Variants in TRAF3 observed in about 807,000 individuals in gnomAD.
The protein encoded by TRAF3 is TNF receptor associated factor 3, also known as TNF receptor-associated factor 3.
In TRAF3, 13 loss-of-function variants were observed where a neutral mutation model predicts 62.3. That is an observed-to-expected ratio of 0.21 (90% CI 0.14 to 0.33). TRAF3 has a LOEUF of 0.33. Ranked by LOEUF, TRAF3 falls within the 10% of genes least tolerant of loss-of-function variation. TRAF3 has a pLI of 1.00. For missense variants in TRAF3, 440 were observed against 741.8 expected (o/e 0.59, Z 4.73); for synonymous variants, 269 against 283.4 (o/e 0.95, Z 0.51).
chr14:102,874,896 A>G lies in TRAF3; in HGVS notation c.298-728A>G, dbSNP rs562400269. On this transcript the variant is annotated intron_variant, in intron 4 of 11. Transcript: ENST00000392745. ...GGTCTCAAACTCCTGGACTCAAGCA[A>G]TCCTCCTGCCTCGGTTTCCCAAAGT... Among the ~76,000 whole-genome samples the G allele has an allele frequency of 1.3e-3, 204 of 152,232 alleles. 1 individual carries two copies. Among genetic ancestry groups the G allele is most frequent in the Non-Finnish European group, 2.3e-3 (157 of 68,014 alleles).
chr14:102,780,194 C>T (rs1466762813), intron 1 of TRAF3, among the ~76,000 whole-genome samples: 1 of 152,116 alleles, frequency 6.6e-6, no homozygotes, highest in East Asian at 1.9e-4. Context: ...AGTGATGAAG[C>T]CAGAATGAGG....
At chr14:102,843,810 T>G (rs563513354) in intron 2 of TRAF3, among the ~76,000 whole-genome samples, 1 of 149,806 alleles carries the variant, frequency 6.7e-6, no homozygotes, top group Admixed American at 6.7e-5. Context: ...CCTGTGTTTC[T>G]AAAAGGAAAA....
intron 9 of TRAF3, among the ~76,000 whole-genome samples, chr14:102,892,607 A>G (rs1014436250): frequency 6.6e-6 from 1 of 152,252 alleles, no homozygotes; most frequent in Non-Finnish European, 1.5e-5. Flanking sequence ...GAGAACTTGT[A>G]GTAGGAGGAT....
chr14:102,839,210 CTTTTTTTTTTTTT>C lies in TRAF3; in HGVS notation c.-18+8754_-18+8766del, dbSNP rs56998347. Among the ~76,000 whole-genome samples the C allele has an allele frequency of 1.1e-3, 100 of 89,836 alleles. 2 individuals carry two copies. The highest frequency in any genetic ancestry group is 7.5e-3 in the South Asian group (17 of 2,264). 58.9% of individuals were successfully genotyped at this position (89,836 alleles called of 152,430 possible). A position where few individuals can be genotyped will look rare whatever the true frequency, so the allele number is the denominator to read the frequency against. ...GAGAGATGCTTATTGGTTGATTTGC[CTTTTTTTTTTTTT>C]TTTTTTTTTTTTTTTGAAACAGTCT... On this transcript the variant is annotated intron_variant, in intron 2 of 11. Transcript: ENST00000392745.
intron 2 of TRAF3, among the ~76,000 whole-genome samples, chr14:102,864,147 CTTTTTTTT>C (rs1022782387): frequency 7.5e-6 from 1 of 133,952 alleles, no homozygotes; most frequent in Non-Finnish European, 1.6e-5. Flanking sequence ...TTGCCTTTTT[CTTTTTTTT>C]TTTTTTTTTT....
intron 1 of TRAF3, among the ~76,000 whole-genome samples, chr14:102,816,612 A>T (rs751107530): frequency 1.1e-4 from 17 of 151,996 alleles, no homozygotes; most frequent in Non-Finnish European, 2.4e-4. Context: ...TATTTTTGTG[A>T]TTCTCGTATT....
intron 1 of TRAF3, among the ~76,000 whole-genome samples, chr14:102,819,646 A>G: frequency 6.6e-6 from 1 of 152,184 alleles, no homozygotes; most frequent in East Asian, 1.9e-4. Flanking sequence ...TCTAACAGTC[A>G]TGGGACCACA....
intron 2 of TRAF3, among the ~76,000 whole-genome samples, chr14:102,831,075 G>C (rs1039852408): frequency 4.6e-5 from 7 of 152,144 alleles, no homozygotes; most frequent in African/African-American, 1.7e-4. Context: ...GTGACATTGT[G>C]TTTTCCTAAG....
intron 1 of TRAF3, among the ~76,000 whole-genome samples, chr14:102,787,811 C>CT (rs796964912): frequency 1.5e-3 from 210 of 138,800 alleles, no homozygotes; most frequent in Admixed American, 1.6e-3. Flanking sequence ...ACTTGCCTTG[C>CT]TTTTTTTTTT....
chr14:102,901,628 A>AGG (rs1199482440), intron 10 of TRAF3, among the ~76,000 whole-genome samples: 1 of 152,196 alleles, frequency 6.6e-6, no homozygotes, highest in East Asian at 1.9e-4. Flanking sequence ...GTCAGTTTAA[A>AGG]GGGACAGTGA....
chr14:102,844,891 ATGT>A (rs1220121781), intron 2 of TRAF3, among the ~76,000 whole-genome samples: 6 of 151,452 alleles, frequency 4.0e-5, no homozygotes, highest in East Asian at 1.9e-4. Flanking sequence ...AAAAAAAAAA[ATGT>A]TGTTTTTGTT....
intron 2 of TRAF3, among the ~76,000 whole-genome samples, chr14:102,857,468 G>A (rs534268195): frequency 3.9e-5 from 6 of 152,184 alleles, no homozygotes; most frequent in Admixed American, 6.5e-5. Context: ...TTTTAAAATT[G>A]GCTTTGATGA....
intron 2 of TRAF3, among the ~76,000 whole-genome samples, chr14:102,862,011 T>G (rs71417833): frequency 0.014 from 2,119 of 152,354 alleles, 22 homozygotes; most frequent in Non-Finnish European, 0.019. Context: ...TTTCACTTTA[T>G]TGATAATCTC....
chr14:102,899,318 G>C (rs1017216352), intron 10 of TRAF3, among the ~76,000 whole-genome samples: 2 of 152,160 alleles, frequency 1.3e-5, no homozygotes. Context: ...GGAGCTGCAC[G>C]GGGCCAGGCC....
Position 102,852,885 on chromosome 14 carries a change from A to G in TRAF3, c.-17-17300A>G, listed in dbSNP as rs114299386. ...CCAGGCTAATTTTTATTTTATTTTT[A>G]TATTTTATTTTTATTATTATTTTTT... On this transcript the variant is annotated intron_variant, in intron 2 of 11. Coordinates refer to ENST00000392745, the MANE Select transcript of TRAF3 (RefSeq NM_145725.3). Among the ~76,000 whole-genome samples the G allele has an allele frequency of 6.7e-3, 1,021 of 151,352 alleles. 8 individuals carry two copies. Among genetic ancestry groups the G allele is most frequent in the African/African-American group, 0.023 (958 of 41,300 alleles).
chr14:102,874,119 C>T (rs1469555850), intron 4 of TRAF3, among the ~76,000 whole-genome samples: 1 of 152,094 alleles, frequency 6.6e-6, no homozygotes, highest in East Asian at 1.9e-4. Context: ...TAAAAAGTTA[C>T]CTGGGCTTGG....
At chr14:102,785,530 C>A (rs1897456098) in intron 1 of TRAF3, among the ~76,000 whole-genome samples, 2 of 152,144 alleles carry the variant, frequency 1.3e-5, no homozygotes, top group Admixed American at 6.5e-5. Flanking sequence ...ATGAACAAGT[C>A]CCCAAGGCCT....
intron 1 of TRAF3, chr14:102,810,682 C>G (rs1183805511): frequency 6.6e-6 from 1 of 152,116 alleles, no homozygotes; most frequent in Non-Finnish European, 1.5e-5. Flanking sequence ...ATCTGTGAAG[C>G]CTCAGTGATC....
chr14:102,804,348 C>T (rs982404141), intron 1 of TRAF3, among the ~76,000 whole-genome samples: 1 of 152,088 alleles, frequency 6.6e-6, no homozygotes, highest in Non-Finnish European at 1.5e-5. Context: ...AATAATTGGG[C>T]CGTTTTTGGT....
Sources: allele counts gnomAD v4.1 joint callset (sites outside exome capture counted in the v4.1 genomes callset), GRCh38; gene constraint gnomAD v4.1.1; transcripts MANE v1.5; gene names NCBI Gene and HGNC (gene_info 2026-07-23, HGNC 2026-07-21).